The following LAMA3 variants were observed in gnomAD, a reference collection of about 807,000 sequenced individuals.
LAMA3 encodes the protein laminin subunit alpha 3, also known as laminin subunit alpha-3.
Under a neutral mutation model 402.0 loss-of-function variants are expected in LAMA3, and 281 were observed. That is an observed-to-expected ratio of 0.70 (90% CI 0.63 to 0.77). The LOEUF (loss-of-function observed/expected upper bound fraction) is 0.77. LAMA3 is among the 30% of genes least tolerant of loss of function. The pLI, the probability that LAMA3 is intolerant of heterozygous loss-of-function variation, is 0.00. For synonymous variants in LAMA3, 1,431 were observed against 1,558.4 expected, an observed-to-expected ratio of 0.92 and a Z score of 1.93; for missense variants, 3,840 against 4,215.5, an observed-to-expected ratio of 0.91 and a Z score of 2.47.
At position 23,951,782 on chromosome 18, in the gene LAMA3, G is replaced by GT; in HGVS notation, c.9736+7dup. ...GACAGTGGCACTCGGTGGCAGGTAT[G>GT]TTGTCCAGTAGCTGATTGTTCATGC... On this transcript the variant is annotated splice_donor_region_variant and intron_variant, in intron 73 of 74. Coordinates refer to ENST00000313654, the MANE Select transcript of LAMA3 (RefSeq NM_198129.4). 1 of 1,607,750 alleles carries GT rather than the reference G, an allele frequency of 6.2e-7. No homozygotes were observed. Among genetic ancestry groups the GT allele is most frequent in the South Asian group, 1.1e-5 (1 of 90,846 alleles).
intron 39 of LAMA3, among the ~76,000 whole-genome samples, chr18:23,878,204 G>A (rs2064785611): frequency 6.6e-6 from 1 of 152,230 alleles, no homozygotes; most frequent in Non-Finnish European, 1.5e-5. Context: ...AAAGAACAAA[G>A]GGAGGGTTTT....
intron 1 of LAMA3, among the ~76,000 whole-genome samples, chr18:23,699,619 CTTTGGG>C (rs1478492998): frequency 2.0e-5 from 3 of 152,138 alleles, no homozygotes; most frequent in African/African-American, 7.2e-5. Context: ...AGAGGAAGTA[CTTTGGG>C]TTTGGGGTAT....
At chr18:23,880,185 T>C (rs1172705832) in intron 39 of LAMA3, among the ~76,000 whole-genome samples, 2 of 152,152 alleles carry the variant, frequency 1.3e-5, no homozygotes, top group Admixed American at 6.5e-5. Context: ...CAAGGAAGAT[T>C]GTTCCCAGTG....
intron 41 of LAMA3, among the ~76,000 whole-genome samples, chr18:23,887,342 T>G (rs2065105694): frequency 6.6e-6 from 1 of 152,112 alleles, no homozygotes; most frequent in African/African-American, 2.4e-5. Flanking sequence ...CTCTGAGGTT[T>G]AAAAGCCACA....
In LAMA3 at chr18:23,766,306, C is replaced by A. The variant is rs575290120; in HGVS notation, c.1182+2783C>A. Reference sequence around the variant, plus strand: ...TTTAAAGTGCTAAAAGAAAAAAGAACCATCATCCCAGAATTCCGTATTCAG... The same window carrying A: ...TTTAAAGTGCTAAAAGAAAAAAGAAACATCATCCCAGAATTCCGTATTCAG... On this transcript the variant is annotated intron_variant, in intron 8 of 74. Transcript: ENST00000313654. Among the ~76,000 whole-genome samples, 5 of 152,228 alleles carry A rather than the reference C, an allele frequency of 3.3e-5. No individual in the cohort carries two copies. The South Asian group carries it at 6.2e-4, about 19-fold the overall frequency.
intron 73 of LAMA3, among the ~76,000 whole-genome samples, chr18:23,951,981 T>C (rs1413161719): frequency 6.6e-6 from 1 of 152,214 alleles, no homozygotes; most frequent in Non-Finnish European, 1.5e-5. Flanking sequence ...ACTTATCAAA[T>C]ATTTTATTGT....
chr18:23,701,438 G>T (rs570911851), intron 1 of LAMA3, among the ~76,000 whole-genome samples: 2 of 152,340 alleles, frequency 1.3e-5, no homozygotes, highest in African/African-American at 4.8e-5. Context: ...GATTTCATTA[G>T]ACTGTGCTTT....
Position 23,903,119 on chromosome 18 carries a change from C to G in LAMA3, c.6312C>G (p.Ser2104Arg). The G allele has an allele frequency of 6.3e-7, 1 of 1,587,908 alleles. No individual in the cohort carries two copies. Among genetic ancestry groups the G allele is most frequent in the Non-Finnish European group, 8.6e-7 (1 of 1,156,294 alleles). Reference protein sequence around the residue: ...TNIALQLMEKSQKEYEKLAAS... With the variant: ...TNIALQLMEKRQKEYEKLAAS... ...TTGCGCTGCAGCTGATGGAGAAAAG[C>G]CAGAAGGTAGAGGAAATAGTTGTTC... The change falls in exon 49 of 75, where the codon AGC becomes AGG. Residue 2104 changes from serine to arginine, a missense_variant. Physicochemically the swap from Ser to Arg is moderately radical, Grantham distance 110. Coordinates refer to ENST00000313654, the MANE Select transcript of LAMA3 (RefSeq NM_198129.4).
At position 23,775,900 on chromosome 18, in the gene LAMA3, A is replaced by C. The variant is rs1260179869; in HGVS notation, c.1382A>C (p.Tyr461Ser). 2.5e-6 allele frequency: 4 copies of C among 1,614,148 alleles called. No homozygotes were observed. In the South Asian group the frequency reaches 4.4e-5, roughly 18 times the overall value. The change falls in exon 10 of 75, where the codon TAC (tyrosine) becomes TCC (serine). Residue 461 changes from tyrosine to serine, a missense_variant. Physicochemically the swap from Tyr to Ser is moderately radical, Grantham distance 144 (BLOSUM62 -2). Around this residue, in one of 3 missense-constraint regions of LAMA3, gnomAD observed 2,109 missense variants for 2,376.0 expected, o/e 0.89. Coordinates refer to ENST00000313654, the MANE Select transcript of LAMA3 (RefSeq NM_198129.4). ...AACTGTGAGAAGTGTGCAATTGGATACTACAATTTCCCATTTTGCTTGAGT... is the reference window on the plus strand; with the variant it reads ...AACTGTGAGAAGTGTGCAATTGGATCCTACAATTTCCCATTTTGCTTGAGT... ...GDNCEKCAIG[Y>S]YNFPFCLRIP...
chr18:23,798,177 C>T (rs959078822), intron 12 of LAMA3, among the ~76,000 whole-genome samples: 6 of 151,870 alleles, frequency 4.0e-5, no homozygotes, highest in African/African-American at 1.5e-4. Context: ...CCCTCCTTTT[C>T]TGGAGCAGCT....
At chr18:23,935,472 AGTTTGGATGGAATAGGACATTAGTCTCT>A (rs1260517354) in intron 67 of LAMA3, among the ~76,000 whole-genome samples, 12 of 152,298 alleles carry the variant, frequency 7.9e-5, no homozygotes, top group Admixed American at 6.5e-4. Context: ...GTAAGCCCCC[AGTTTGGATGGAATAGGACATTAGTCTCT>A]GCCCAGTAGC....
At chr18:23,712,497 G>T (rs748069450) in intron 1 of LAMA3, among the ~76,000 whole-genome samples, 16 of 151,388 alleles carry the variant, frequency 1.1e-4, no homozygotes, top group Non-Finnish European at 1.9e-4. Flanking sequence ...GAGTTTCTAG[G>T]GGGTGCAAGG....
intron 41 of LAMA3, among the ~76,000 whole-genome samples, chr18:23,888,523 T>A (rs993242249): frequency 6.6e-6 from 1 of 152,074 alleles, no homozygotes; most frequent in Non-Finnish European, 1.5e-5. Context: ...TTCATGGAGC[T>A]TATATTTTCA....
In LAMA3 at chr18:23,904,649, G is replaced by A. The variant is rs1337201637; in HGVS notation, c.6570G>A (p.Glu2190=). Residue 2190 remains glutamate, a synonymous_variant, in exon 51 of 75, where the codon GAG becomes GAA. Transcript: ENST00000313654. The part of the protein sequence containing the change: ...ENILNAIKAA[E]DAANRAASAS... ...TCCTCAATGCCATCAAAGCGGCCGA[G>A]GACGCAGCCAACAGGGCTGCCAGTG... 6.2e-7 allele frequency: 1 copy of A among 1,613,980 alleles called. No homozygotes were observed. Among genetic ancestry groups the A allele is most frequent in the Admixed American group, 1.7e-5 (1 of 60,020 alleles).
At chr18:23,913,899 A>C (rs943222983) in intron 56 of LAMA3, among the ~76,000 whole-genome samples, 2 of 152,248 alleles carry the variant, frequency 1.3e-5, no homozygotes, top group Non-Finnish European at 2.9e-5. Flanking sequence ...AAATGGTTAA[A>C]ATGGTAAGTT....
At position 23,944,994 on chromosome 18, in the gene LAMA3, A is replaced by G. The variant is rs536932721; in HGVS notation, c.9210+1023A>G. 1.2e-4 allele frequency among the ~76,000 whole-genome samples: 19 copies of G among 152,228 alleles called. No homozygotes were observed. In the East Asian group the frequency reaches 2.5e-3, roughly 20 times the overall value. ...CTAAAAATACAAACATTAGCTGGGC[A>G]TGGTGGCATGCACCTGTAATCCCAG... On this transcript the variant is annotated intron_variant, in intron 69 of 74. Coordinates refer to ENST00000313654, the MANE Select transcript of LAMA3 (RefSeq NM_198129.4).
At chr18:23,806,662 T>G (rs1281171762) in intron 12 of LAMA3, among the ~76,000 whole-genome samples, 2 of 152,226 alleles carry the variant, frequency 1.3e-5, no homozygotes, top group Non-Finnish European at 2.9e-5. Context: ...CAAAGTCCTA[T>G]TCCTTCCCAA....
rs377089665 is a variant in LAMA3 at position 23,749,564 on chromosome 18, A to T, written c.684+18A>T. The stretch of plus-strand genomic sequence containing the variant: ...ATGGTGAGGTAAGTAGATTTGGAAG[A>T]CTGGGAGAGATAAGACTCAGAAATG... On this transcript the variant is annotated intron_variant, in intron 4 of 74. Coordinates refer to ENST00000313654, the MANE Select transcript of LAMA3 (RefSeq NM_198129.4). 7.2e-7 allele frequency: 1 copy of T among 1,380,530 alleles called. No homozygotes were observed. Among genetic ancestry groups the T allele is most frequent in the South Asian group, 1.2e-5 (1 of 86,452 alleles). The allele number at this position is 1,380,530 out of a possible 1,614,324, so 85.5% of individuals were successfully genotyped here. A position where few individuals can be genotyped will look rare whatever the true frequency, so the allele number is the denominator to read the frequency against.
At position 23,946,452 on chromosome 18, in the gene LAMA3, T is replaced by C. The variant is rs1374000161; in HGVS notation, c.9351+168T>C. 7.5e-6 allele frequency: 6 copies of C among 800,206 alleles called. No homozygotes were observed. The South Asian group carries it at 9.6e-5, about 13-fold the overall frequency. 49.6% of individuals were successfully genotyped at this position (800,206 alleles called of 1,614,324 possible). A position where few individuals can be genotyped will look rare whatever the true frequency, so the allele number is the denominator to read the frequency against. The stretch of plus-strand genomic sequence containing the variant: ...ACCACATAGAGTAAGTGCCCATTTC[T>C]TAACCCAAAGCCTTCATTTCTAAGG... On this transcript the variant is annotated intron_variant, in intron 70 of 74. Coordinates refer to ENST00000313654, the MANE Select transcript of LAMA3 (RefSeq NM_198129.4).
Sources: gnomAD v4.1 joint callset for allele counts (sites outside exome capture counted in the v4.1 genomes callset) on GRCh38, gnomAD v4.1.1 for gene constraint, gnomAD v4.1.1 regional missense constraint, MANE v1.5 for transcripts, NCBI Gene and HGNC (gene_info 2026-07-23, HGNC 2026-07-21) for gene names.